The following ATL2 variants were observed in gnomAD, a reference collection of about 807,000 sequenced individuals.
The protein encoded by ATL2 is atlastin-2.
A neutral mutation model predicts 73.9 loss-of-function variants in ATL2; 31 were observed. The observed-to-expected ratio is 0.42, with a 90% confidence interval of 0.32 to 0.57. The LOEUF is 0.57. Among genes scored for constraint, ATL2 ranks in the 20% least tolerant of loss-of-function variants. The pLI is 0.14. For synonymous variants in ATL2, 291 were observed against 237.5 expected, an observed-to-expected ratio of 1.23 and a Z score of -2.07; for missense variants, 738 against 702.6, an observed-to-expected ratio of 1.05 and a Z score of -0.57.
chr2:38,296,529 G>A (rs1403205821), intron 12 of ATL2: 7 of 1,613,930 alleles, frequency 4.3e-6, no homozygotes, highest in African/African-American at 4.0e-5. Context: ...CTGTCGCTGT[G>A]CTGATGAAAG....
chr2:38,365,975 A>G (rs146216007), intron 1 of ATL2, among the ~76,000 whole-genome samples: 1 of 152,234 alleles, frequency 6.6e-6, no homozygotes, highest in Admixed American at 6.5e-5. Context: ...TATTCACTCA[A>G]ATTCCAGACT....
chr2:38,356,272 G>A (rs1455029217), intron 1 of ATL2, among the ~76,000 whole-genome samples: 1 of 151,740 alleles, frequency 6.6e-6, no homozygotes, highest in Non-Finnish European at 1.5e-5. Flanking sequence ...AGGCTGGAGT[G>A]CAATGGTGCG....
chr2:38,322,010 A>C (rs1668349461), intron 2 of ATL2, among the ~76,000 whole-genome samples: 2 of 152,136 alleles, frequency 1.3e-5, no homozygotes, highest in Non-Finnish European at 2.9e-5. Context: ...TCCTGATTCT[A>C]CCATACCAAA....
Position 38,296,050 on chromosome 2 carries a change from TAG to T in ATL2, c.1694_1695del (p.Ser565TyrfsTer7), listed in dbSNP as rs1491462589. 7.1e-6 allele frequency: 11 copies of T among 1,551,650 alleles called. No individual in the cohort carries two copies. Among genetic ancestry groups the T allele is most frequent in the South Asian group, 2.4e-5 (2 of 84,060 alleles). ...ACCTGGTCAGTCAGGCCTGCTTTGA[TAG>T]AGTTTGTTACAGACTGCCTTATGTT... ...EENIRQSVTNSIKAGLTDQVS... is the reference protein window; with the variant it reads ...EENIRQSVTNXIKAGLTDQVS... On this transcript the variant is annotated frameshift_variant, in exon 13 of 13. Coordinates refer to ENST00000378954, the MANE Select transcript of ATL2 (RefSeq NM_001135673.4). LOFTEE classifies it high-confidence loss of function.
At chr2:38,305,223 T>A (rs774185827) in intron 9 of ATL2, among the ~76,000 whole-genome samples, 31 of 152,254 alleles carry the variant, frequency 2.0e-4, no homozygotes, top group Non-Finnish European at 3.2e-4. Flanking sequence ...ATAAAGCAAG[T>A]ATTATTAGAA....
At chr2:38,333,619 A>G (rs1278690889) in intron 2 of ATL2, among the ~76,000 whole-genome samples, 2 of 152,194 alleles carry the variant, frequency 1.3e-5, no homozygotes, top group Non-Finnish European at 2.9e-5. Flanking sequence ...AAGATCTGTA[A>G]TTTATGTTCT....
intron 12 of ATL2, chr2:38,296,507 G>T: frequency 6.2e-7 from 1 of 1,613,632 alleles, no homozygotes; most frequent in South Asian, 1.1e-5. Context: ...TGTTATTGTT[G>T]GATGACAGTC....
At chr2:38,334,834 TA>T (rs556789932) in intron 2 of ATL2, among the ~76,000 whole-genome samples, 20 of 98,234 alleles carry the variant, frequency 2.0e-4, no homozygotes, top group African/African-American at 6.1e-4. Flanking sequence ...TTCAACATTA[TA>T]GTTATAATTT....
chr2:38,296,605 G>C (rs375283403), intron 12 of ATL2: 1 of 1,612,796 alleles, frequency 6.2e-7, no homozygotes, highest in African/African-American at 1.3e-5. Context: ...AACATGAAGT[G>C]ATTTGTTAGG....
chr2:38,303,732 G>C (rs185995606), intron 9 of ATL2, among the ~76,000 whole-genome samples: 1 of 152,122 alleles, frequency 6.6e-6, no homozygotes. Flanking sequence ...CCCAAACCTA[G>C]ATACCAATAT....
intron 1 of ATL2, among the ~76,000 whole-genome samples, chr2:38,348,810 T>C (rs1439738864): frequency 6.6e-6 from 1 of 151,726 alleles, no homozygotes; most frequent in Non-Finnish European, 1.5e-5. Flanking sequence ...TACAATGAAC[T>C]CAAACAAATT....
chr2:38,371,355 A>C (rs1671679821), intron 1 of ATL2, among the ~76,000 whole-genome samples: 1 of 152,122 alleles, frequency 6.6e-6, no homozygotes, highest in Non-Finnish European at 1.5e-5. Flanking sequence ...AAAAATTTTA[A>C]AAACTAGCCA....
rs551372281 is a variant in ATL2, at chr2:38,337,350, G to A, written c.363+5918C>T. Among the ~76,000 whole-genome samples the A allele has an allele frequency of 6.6e-5, 10 of 151,052 alleles. No homozygotes were observed. The East Asian group carries it at 7.8e-4, about 12-fold the overall frequency. ...AAAATACAAAAATTAGCCAGGTGTCGTGGTGCGCACCTGTAAACCCAGCTA... is the reference window on the plus strand; with the variant it reads ...AAAATACAAAAATTAGCCAGGTGTCATGGTGCGCACCTGTAAACCCAGCTA... On this transcript the variant is annotated intron_variant, in intron 2 of 12. Transcript: ENST00000378954.
chr2:38,305,769 G>C (rs919265768), intron 9 of ATL2, among the ~76,000 whole-genome samples: 5 of 151,746 alleles, frequency 3.3e-5, no homozygotes, highest in Admixed American at 6.6e-5. Flanking sequence ...AAATATATGG[G>C]ATACAGCGTT....
Position 38,296,635 on chromosome 2 carries a change from C to T in ATL2, c.1633-522G>A, listed in dbSNP as rs752776178. 1.6e-5 allele frequency: 26 copies of T among 1,603,716 alleles called. 1 individual carries two copies. In the East Asian group the frequency reaches 4.0e-4, roughly 25 times the overall value. On this transcript the variant is annotated intron_variant, in intron 12 of 12. Transcript: ENST00000378954. ...GTTAGGAGAATGAATCAGAGTGCCT[C>T]GAAGCTAAAGAGTTTAAGACTACAA...
intron 4 of ATL2, among the ~76,000 whole-genome samples, chr2:38,315,824 T>G (rs187649322): frequency 2.8e-4 from 42 of 152,302 alleles, no homozygotes; most frequent in African/African-American, 9.4e-4. Context: ...GTGGTTCTCT[T>G]TTTACTCACA....
chr2:38,377,064 G>T, intron 1 of ATL2, 79 bp downstream of exon 1: 2 of 1,393,028 alleles, frequency 1.4e-6, no homozygotes, highest in Non-Finnish European at 9.8e-7. Flanking sequence ...CCCGCCGCCT[G>T]CGGCCGGTGC....
intron 2 of ATL2, among the ~76,000 whole-genome samples, chr2:38,331,086 CAGG>C (rs374733898): frequency 1.3e-5 from 2 of 152,006 alleles, no homozygotes; most frequent in Admixed American, 6.6e-5. Context: ...TGCCTGAGCG[CAGG>C]AGTTCGAGAC....
intron 1 of ATL2, among the ~76,000 whole-genome samples, chr2:38,345,438 C>A (rs1193991707): frequency 1.3e-5 from 2 of 152,210 alleles, no homozygotes; most frequent in Non-Finnish European, 2.9e-5. Context: ...GAGCCTCTAC[C>A]TCCACATCAC....
Sources: gnomAD v4.1 joint callset for allele counts (sites outside exome capture counted in the v4.1 genomes callset) on GRCh38, gnomAD v4.1.1 for gene constraint, MANE v1.5 for transcripts, NCBI Gene and HGNC (gene_info 2026-07-23, HGNC 2026-07-21) for gene names.